LITAF: variants seen among roughly 807,000 people sequenced by gnomAD.
The protein encoded by LITAF is lipopolysaccharide-induced tumor necrosis factor-alpha factor.
LITAF carries 9 observed loss-of-function variants against 14.5 expected under a neutral mutation model. The observed-to-expected ratio is 0.62, with a 90% confidence interval of 0.37 to 1.08. The LOEUF is 1.08. Ranked by LOEUF, LITAF falls within the 50% of genes least tolerant of loss-of-function variation. The pLI is 0.01. For synonymous variants in LITAF, 98 were observed against 88.2 expected, an observed-to-expected ratio of 1.11 and a Z score of -0.62; for missense variants, 206 against 213.4, an observed-to-expected ratio of 0.97 and a Z score of 0.22.
At position 11,553,683 on chromosome 16, in the gene LITAF, A is replaced by C; in HGVS notation, c.227T>G (p.Val76Gly). The change falls in exon 3 of 4, where the codon GTG becomes GGG. Residue 76 changes from valine to glycine, a missense_variant. By Grantham distance (109) the Val-to-Gly change is moderately radical. Transcript: ENST00000622633. This position sits in a 1 kb window ranked among gnomAD's most constrained non-coding sequence, Gnocchi z 7.7. Reference sequence around the variant, plus strand: ...GGGGTGCTGCACGTAGACCGTCTGCACGGTAACTGATGAAAGGGAGAGGGA... The same window carrying C: ...GGGGTGCTGCACGTAGACCGTCTGCCCGGTAACTGATGAAAGGGAGAGGGA... Reference protein sequence around the residue: ...APIPNNNPITVQTVYVQHPIT... With the variant: ...APIPNNNPITGQTVYVQHPIT... 6.2e-7 allele frequency: 1 copy of C among 1,614,154 alleles called. No individual in the cohort carries two copies. Among genetic ancestry groups the C allele is most frequent in the African/African-American group, 1.3e-5 (1 of 75,062 alleles).
chr16:11,601,199 G>A (rs1267034365), upstream of LITAF, among the ~76,000 whole-genome samples: 5 of 152,048 alleles, frequency 3.3e-5, no homozygotes, highest in South Asian at 1.0e-3. Flanking sequence ...TCACTCGGAG[G>A]CCTTAATGTC....
chr16:11,594,834 C>T (rs2064872492), intron 1 of LITAF, among the ~76,000 whole-genome samples: 1 of 151,630 alleles, frequency 6.6e-6, no homozygotes, highest in South Asian at 2.1e-4. Context: ...CAAGATCATG[C>T]CACTGCCCTC....
At chr16:11,608,527 G>A (rs1254197030) in intron 3 of LITAF, among the ~76,000 whole-genome samples, 6 of 152,330 alleles carry the variant, frequency 3.9e-5, no homozygotes, top group Non-Finnish European at 7.3e-5. Flanking sequence ...AATGTCCGTC[G>A]ACAGACAAGT....
intron 1 of LITAF, among the ~76,000 whole-genome samples, chr16:11,580,772 CTTTTT>C (rs1037829405): frequency 2.5e-4 from 38 of 150,594 alleles, no homozygotes; most frequent in Non-Finnish European, 5.9e-5. Flanking sequence ...ATTCCTTTTT[CTTTTT>C]TATTTTGAGA....
At chr16:11,630,570 C>CTTTTTTT (rs66732953) in intron 3 of LITAF, among the ~76,000 whole-genome samples, 1 of 114,240 alleles carries the variant, frequency 8.8e-6, no homozygotes, top group Non-Finnish European at 1.7e-5. Context: ...CCCTGGCCAA[C>CTTTTTTT]TTTTTTTTTT....
chr16:11,622,400 C>T (rs1430137059), intron 3 of LITAF, among the ~76,000 whole-genome samples: 1 of 152,324 alleles, frequency 6.6e-6, no homozygotes, highest in Non-Finnish European at 1.5e-5. Flanking sequence ...GAGCTCAGGC[C>T]CAGGAAAAAC....
chr16:11,568,435 G>A lies in LITAF; in HGVS notation c.-5-11700C>T, dbSNP rs11866396. On this transcript the variant is annotated intron_variant, in intron 1 of 3. Coordinates refer to ENST00000622633, the MANE Select transcript of LITAF (RefSeq NM_001136472.2). Reference sequence around the variant, plus strand: ...CTCCACGCTCATCACCTGGTCCTTGGGGTAGCCCTAAAGCCACTTGTTCAA... The same window carrying A: ...CTCCACGCTCATCACCTGGTCCTTGAGGTAGCCCTAAAGCCACTTGTTCAA... Among the ~76,000 whole-genome samples the A allele has an allele frequency of 3.5e-3, 540 of 152,138 alleles. 7 individuals carry two copies. The highest frequency in any genetic ancestry group is 0.012 in the African/African-American group (511 of 41,512).
At chr16:11,627,230 C>G (rs769440684) in intron 3 of LITAF, among the ~76,000 whole-genome samples, 1 of 152,226 alleles carries the variant, frequency 6.6e-6, no homozygotes, top group Non-Finnish European at 1.5e-5. Flanking sequence ...ACCCCAAGAC[C>G]CTTGCTGGAG....
In LITAF at chr16:11,586,575, C is replaced by A. The variant is rs529207898; in HGVS notation, c.-6+311G>T. Among the ~76,000 whole-genome samples the A allele has an allele frequency of 6.6e-6, 1 of 151,780 alleles. No individual in the cohort carries two copies. Among genetic ancestry groups the A allele is most frequent in the South Asian group, 2.1e-4 (1 of 4,796 alleles). ...CTCCGGGGAGGGGGACGCGGCGGGC[C>A]GCGAAGGGCGCTCGTTCGGGTGGGG... On this transcript the variant is annotated intron_variant, in intron 1 of 3. Coordinates refer to ENST00000622633, the MANE Select transcript of LITAF (RefSeq NM_001136472.2). The surrounding 1 kb of genome is among the most constrained non-coding windows in gnomAD (Gnocchi z 6.5).
intron 3 of LITAF, among the ~76,000 whole-genome samples, chr16:11,620,557 T>G (rs2065044063): frequency 1.3e-5 from 2 of 152,146 alleles, no homozygotes; most frequent in Non-Finnish European, 2.9e-5. Context: ...ACAGGTATGT[T>G]TTTACAGCAA....
intron 1 of LITAF, among the ~76,000 whole-genome samples, chr16:11,584,012 C>T (rs1336896096): frequency 3.3e-5 from 5 of 152,130 alleles, no homozygotes; most frequent in Admixed American, 3.3e-4. Flanking sequence ...TCAATACAGG[C>T]TCAAACAACA....
upstream of LITAF, among the ~76,000 whole-genome samples, chr16:11,601,216 G>T (rs903134069): frequency 1.6e-4 from 24 of 151,994 alleles, no homozygotes; most frequent in Non-Finnish European, 2.4e-4. Context: ...TGTCTGGAGG[G>T]TTTCCACAAA....
At chr16:11,635,309 G>A (rs1426839284) in intron 2 of LITAF, among the ~76,000 whole-genome samples, 1 of 152,218 alleles carries the variant, frequency 6.6e-6, no homozygotes, top group African/African-American at 2.4e-5. Context: ...CACGCATGTA[G>A]ATACCAATCA....
rs188542506 is a variant in LITAF at position 11,615,274 on chromosome 16, C to T, written c.85+18259G>A. On this transcript the variant is annotated intron_variant, in intron 3 of 3. Coordinates refer to the LITAF transcript ENST00000574848. ...TAAAGACCTTGGGTGCGGTGGCTCACGCCTGTAATCCCAGCACCTTGGGAG... is the reference window on the plus strand; with the variant it reads ...TAAAGACCTTGGGTGCGGTGGCTCATGCCTGTAATCCCAGCACCTTGGGAG... Among the ~76,000 whole-genome samples the T allele has an allele frequency of 5.3e-4, 81 of 152,272 alleles. No individual in the cohort carries two copies. In the Middle Eastern group the frequency reaches 0.021, roughly 39 times the overall value.
chr16:11,606,129 G>A (rs569410551), intron 3 of LITAF, among the ~76,000 whole-genome samples: 25 of 152,154 alleles, frequency 1.6e-4, no homozygotes, highest in Non-Finnish European at 2.4e-4. Context: ...GATGCTATCC[G>A]TCCCACATGG....
chr16:11,577,934 T>C (rs1423343276), intron 1 of LITAF, among the ~76,000 whole-genome samples: 4 of 151,642 alleles, frequency 2.6e-5, no homozygotes, highest in Non-Finnish European at 5.9e-5. Context: ...CATTCCACTA[T>C]TTCCAGGCTG....
intron 3 of LITAF, among the ~76,000 whole-genome samples, chr16:11,620,694 T>C (rs1249914721): frequency 1.3e-5 from 2 of 152,192 alleles, no homozygotes; most frequent in Non-Finnish European, 2.9e-5. Flanking sequence ...TGTGAAAGAA[T>C]CAGCAGCACA....
chr16:11,565,714 C>T (rs1014775186), intron 1 of LITAF, among the ~76,000 whole-genome samples: 6 of 152,064 alleles, frequency 3.9e-5, no homozygotes, highest in African/African-American at 1.2e-4. Context: ...CACAGTCTCT[C>T]GTGGCGTCTC....
rs1418229300 is a variant in LITAF at position 11,553,930 on chromosome 16, A to G, written c.221-241T>C. On this transcript the variant is annotated intron_variant, in intron 2 of 3. Transcript: ENST00000622633. The surrounding 1 kb of genome is among the most constrained non-coding windows in gnomAD (Gnocchi z 7.7). ...TTATCCATCCACCAGAATATGATTC[A>G]GCCTCAAAAAGAAAGGAGGACCGGG... Among the ~76,000 whole-genome samples the G allele has an allele frequency of 1.3e-5, 2 of 152,226 alleles. No individual in the cohort carries two copies. The highest frequency in any genetic ancestry group is 2.9e-5 in the Non-Finnish European group (2 of 68,038).
Sources: allele counts gnomAD v4.1 joint callset (sites outside exome capture counted in the v4.1 genomes callset), GRCh38; gene constraint gnomAD v4.1.1; non-coding constraint Gnocchi (gnomAD v3.1); transcripts MANE v1.5; gene names NCBI Gene and HGNC (gene_info 2026-07-23, HGNC 2026-07-21).